Variants in ANKRD30B observed in about 807,000 individuals in gnomAD.
ANKRD30B encodes the protein ankyrin repeat domain 30B.
A neutral mutation model predicts 202.2 loss-of-function variants in ANKRD30B; 144 were observed. The ratio of observed to expected loss-of-function variants is 0.71; its 90% CI spans 0.62 to 0.82. The LOEUF (loss-of-function observed/expected upper bound fraction) is 0.82, where lower values mean the gene tolerates loss of function less well. ANKRD30B is among the 40% of genes least tolerant of loss of function. The pLI is 0.00. For missense variants in ANKRD30B, 1,487 were observed against 1,669.1 expected (o/e 0.89, Z 1.90); for synonymous variants, 508 against 561.3 (o/e 0.91, Z 1.34).
At chr18:14,764,194 A>G in intron 7 of ANKRD30B, 104 bp downstream of exon 7, 1 of 1,233,498 alleles carries the variant, frequency 8.1e-7, no homozygotes, top group Non-Finnish European at 1.1e-6. Flanking sequence ...ATATCTAAAT[A>G]AGGCAAGCTT....
the ANKRD30B span, among the ~76,000 whole-genome samples, chr18:14,896,986 A>T: frequency 1.3e-5 from 2 of 150,082 alleles, no homozygotes; most frequent in East Asian, 3.9e-4. Context: ...AAAAAACAGG[A>T]AAATAAATAG....
At chr18:14,754,365 T>C (rs1225972488) in intron 3 of ANKRD30B, among the ~76,000 whole-genome samples, 1 of 152,166 alleles carries the variant, frequency 6.6e-6, no homozygotes, top group Non-Finnish European at 1.5e-5. Context: ...CAAGTAAGTA[T>C]TAGGCAAAGT....
the ANKRD30B span, among the ~76,000 whole-genome samples, chr18:14,903,991 G>C: frequency 6.6e-6 from 1 of 152,156 alleles, no homozygotes; most frequent in African/African-American, 2.4e-5. Flanking sequence ...AGATTATAAA[G>C]AAGGGCTGTC....
intron 10 of ANKRD30B, among the ~76,000 whole-genome samples, chr18:14,778,359 A>G (rs1158901396): frequency 3.9e-5 from 6 of 152,270 alleles, no homozygotes; most frequent in Admixed American, 3.9e-4. Flanking sequence ...CAGAGAGTAC[A>G]TGAGGCAACA....
chr18:14,885,651 C>T, the ANKRD30B span, among the ~76,000 whole-genome samples: 3 of 152,030 alleles, frequency 2.0e-5, no homozygotes, highest in Admixed American at 6.6e-5. Flanking sequence ...TGTTCTTTGG[C>T]AGTCTAGAGA....
intron 37 of ANKRD30B, among the ~76,000 whole-genome samples, chr18:14,841,413 G>A (rs894922606): frequency 6.6e-6 from 1 of 152,120 alleles, no homozygotes; most frequent in Non-Finnish European, 1.5e-5. Context: ...CAAGGGAACA[G>A]CCTTTCCTTT....
rs570931155 is a variant in ANKRD30B at position 14,825,266 on chromosome 18, G to A, written c.2743+2589G>A. On this transcript the variant is annotated intron_variant, in intron 32 of 43. Coordinates refer to ENST00000690538, the MANE Select transcript of ANKRD30B (RefSeq NM_001367607.2). Reference sequence around the variant, plus strand: ...CCCATGGACACTGACCTAAGTGACAGATGAGAGACATATACTGAAACAGAT... The same window carrying A: ...CCCATGGACACTGACCTAAGTGACAAATGAGAGACATATACTGAAACAGAT... 4 of 152,338 alleles carry A rather than the reference G, an allele frequency of 2.6e-5. No homozygotes were observed. In the East Asian group the frequency reaches 7.7e-4, roughly 29 times the overall value. The allele number at this position is 152,338 out of a possible 1,614,324, so 9.4% of individuals were successfully genotyped here.
chr18:14,793,843 G>C (rs151292588), intron 16 of ANKRD30B, among the ~76,000 whole-genome samples: 1 of 151,514 alleles, frequency 6.6e-6, no homozygotes, highest in Non-Finnish European at 1.5e-5. Context: ...GTATTCTGCC[G>C]AGATCTCAAC....
At chr18:14,887,954 T>G in the ANKRD30B span, among the ~76,000 whole-genome samples, 1 of 152,044 alleles carries the variant, frequency 6.6e-6, no homozygotes, top group Non-Finnish European at 1.5e-5. Context: ...AAAATGTTAT[T>G]TTGTGGCAAG....
At chr18:14,937,689 A>G in the ANKRD30B span, among the ~76,000 whole-genome samples, 1 of 152,126 alleles carries the variant, frequency 6.6e-6, no homozygotes, top group Non-Finnish European at 1.5e-5. Flanking sequence ...CGCTCTGTGA[A>G]TTGTCCTCAA....
In ANKRD30B at chr18:14,842,555, C is replaced by T. The variant is rs771055782; in HGVS notation, c.3080-342C>T. On this transcript the variant is annotated intron_variant, in intron 37 of 43. Coordinates refer to ENST00000690538, the MANE Select transcript of ANKRD30B (RefSeq NM_001367607.2). ...CGTAGGATTCTATATTCAGCTTTGA[C>T]ATTTATTTTTTCTGGGTCATAATTT... 3.3e-5 allele frequency among the ~76,000 whole-genome samples: 5 copies of T among 152,174 alleles called. No individual in the cohort carries two copies. In the South Asian group the frequency reaches 6.2e-4, roughly 19 times the overall value.
intron 16 of ANKRD30B, among the ~76,000 whole-genome samples, chr18:14,791,986 G>T (rs1968544505): frequency 6.6e-6 from 1 of 152,116 alleles, no homozygotes; most frequent in Non-Finnish European, 1.5e-5. Flanking sequence ...CTGGTGGGAA[G>T]CCATTAGGGA....
intron 3 of ANKRD30B, among the ~76,000 whole-genome samples, chr18:14,754,135 G>A (rs1913945203): frequency 6.6e-6 from 1 of 152,112 alleles, no homozygotes; most frequent in Non-Finnish European, 1.5e-5. Flanking sequence ...AAGTTCATTT[G>A]AAGCCAATCT....
At chr18:14,898,408 A>T in the ANKRD30B span, among the ~76,000 whole-genome samples, 659 of 152,132 alleles carry the variant, frequency 4.3e-3, 1 homozygote, top group African/African-American at 0.015. Flanking sequence ...AATAGGGTTC[A>T]CGCCCCTATG....
intron 36 of ANKRD30B, among the ~76,000 whole-genome samples, chr18:14,838,698 C>G (rs1971283550): frequency 6.6e-6 from 1 of 152,120 alleles, no homozygotes; most frequent in African/African-American, 2.4e-5. Flanking sequence ...GAGTGGATGT[C>G]AAAAGATAAG....
At position 14,808,763 on chromosome 18, in the gene ANKRD30B, A is replaced by C. The variant is rs184295673; in HGVS notation, c.2386+19A>C. ...AAAGCAGGTAAATTTTGTAATTTAA[A>C]TTTTAATCTGGAATTAAGAATATTA... is the stretch of plus-strand genomic sequence containing the variant. On this transcript the variant is annotated intron_variant, in intron 26 of 43. Transcript: ENST00000690538. 3,904 of 1,420,528 alleles carry C rather than the reference A, an allele frequency of 2.7e-3. 91 individuals carry two copies. Among genetic ancestry groups the C allele is most frequent in the Admixed American group, 3.6e-3 (158 of 43,836 alleles). The allele number at this position is 1,420,528 out of a possible 1,614,324, so 88.0% of individuals were successfully genotyped here. A position where few individuals can be genotyped will look rare whatever the true frequency, so the allele number is the denominator to read the frequency against.
At chr18:14,873,789 G>C in the ANKRD30B span, among the ~76,000 whole-genome samples, 1 of 152,120 alleles carries the variant, frequency 6.6e-6, no homozygotes, top group Non-Finnish European at 1.5e-5. Flanking sequence ...CTACAGAGGA[G>C]ACCTCTGTGG....
At chr18:14,749,432 G>A (rs556374069) in intron 1 of ANKRD30B, among the ~76,000 whole-genome samples, 1 of 152,216 alleles carries the variant, frequency 6.6e-6, no homozygotes, top group South Asian at 2.1e-4. Flanking sequence ...AGCACTTTGG[G>A]CGGCCGAGGC....
At chr18:14,788,303 T>A in intron 15 of ANKRD30B, among the ~76,000 whole-genome samples, 1 of 152,196 alleles carries the variant, frequency 6.6e-6, no homozygotes, top group Non-Finnish European at 1.5e-5. Flanking sequence ...TGAACATGAT[T>A]TGTTTTTCCT....
Sources: allele counts gnomAD v4.1 joint callset (sites outside exome capture counted in the v4.1 genomes callset), GRCh38; gene constraint gnomAD v4.1.1; transcripts MANE v1.5; gene names NCBI Gene and HGNC (gene_info 2026-07-23, HGNC 2026-07-21).